The following NAV3 variants were observed in gnomAD, a reference collection of about 807,000 sequenced individuals.
NAV3 encodes the protein neuron navigator 3.
Under a neutral mutation model 244.7 loss-of-function variants are expected in NAV3, and 87 were observed. That is an observed-to-expected ratio of 0.36 (90% confidence interval 0.30 to 0.42). NAV3 has a LOEUF of 0.42. Ranked by LOEUF, NAV3 falls within the 20% of genes least tolerant of loss-of-function variation. The pLI is 1.00. For synonymous variants in NAV3, 1,126 were observed against 1,042.2 expected, an observed-to-expected ratio of 1.08 and a Z score of -1.55; for missense variants, 2,663 against 2,893.3, an observed-to-expected ratio of 0.92 and a Z score of 1.83.
intron 1 of NAV3, among the ~76,000 whole-genome samples, chr12:77,864,831 C>T (rs1569027): frequency 0.12 from 17,791 of 151,654 alleles, 1,246 homozygotes; most frequent in South Asian, 0.18. Flanking sequence ...GAAGTGTTAC[C>T]TGCCTTGTTC....
At chr12:77,892,691 A>G (rs1324774984) in intron 1 of NAV3, among the ~76,000 whole-genome samples, 1 of 152,206 alleles carries the variant, frequency 6.6e-6, no homozygotes, top group Non-Finnish European at 1.5e-5. Context: ...CTGGGATTAC[A>G]GGCGTGAGCC....
intron 2 of NAV3, among the ~76,000 whole-genome samples, chr12:77,577,114 C>T (rs115266707): frequency 6.6e-6 from 1 of 152,070 alleles, no homozygotes; most frequent in Admixed American, 6.6e-5. Context: ...TAGACATAAA[C>T]ATGAACATCA....
chr12:78,147,141 T>G (rs1264379653), intron 21 of NAV3, among the ~76,000 whole-genome samples: 2 of 152,116 alleles, frequency 1.3e-5, no homozygotes, highest in Non-Finnish European at 2.9e-5. Context: ...TATTAGCCTT[T>G]AAAAATAAAA....
At chr12:77,946,228 T>G (rs1340240479) in intron 3 of NAV3, among the ~76,000 whole-genome samples, 1 of 126,350 alleles carries the variant, frequency 7.9e-6, no homozygotes, top group Non-Finnish European at 1.8e-5. Flanking sequence ...TATGTGTAAA[T>G]ATATGTGCGT....
intron 2 of NAV3, among the ~76,000 whole-genome samples, chr12:77,651,770 T>C (rs1179094708): frequency 1.3e-5 from 2 of 152,210 alleles, no homozygotes; most frequent in Non-Finnish European, 2.9e-5. Flanking sequence ...TGTCATTAAA[T>C]TGGTAACTCA....
intron 10 of NAV3, 80 bp from the exon 11 acceptor site, chr12:78,050,684 A>G (rs2137240236): frequency 6.9e-7 from 1 of 1,443,852 alleles, no homozygotes; most frequent in Non-Finnish European, 9.4e-7. Context: ...CCTCAACTCC[A>G]GCCTTTTCTG....
chr12:78,177,472 G>A, intron 27 of NAV3, 148 bp from the exon 28 acceptor site: 1 of 1,109,124 alleles, frequency 9.0e-7, no homozygotes, highest in Non-Finnish European at 1.3e-6. Flanking sequence ...TCTTTCACTG[G>A]TTTCTTTCAT....
intron 3 of NAV3, among the ~76,000 whole-genome samples, chr12:77,959,808 G>A (rs771281557): frequency 2.1e-5 from 3 of 144,340 alleles, no homozygotes; most frequent in African/African-American, 7.8e-5. Context: ...TAACCCCTTG[G>A]CACTTCCATT....
At chr12:78,139,175 T>TG (rs1333241942) in intron 19 of NAV3, among the ~76,000 whole-genome samples, 2 of 152,096 alleles carry the variant, frequency 1.3e-5, no homozygotes, top group Non-Finnish European at 2.9e-5. Flanking sequence ...GTTAGAAAAC[T>TG]GGGGGTTCTT....
chr12:78,075,077 G>T (rs187341751), intron 12 of NAV3, among the ~76,000 whole-genome samples: 115 of 152,234 alleles, frequency 7.6e-4, no homozygotes, highest in African/African-American at 2.5e-3. Context: ...CTGGCAACCT[G>T]GTGTGAGTCT....
chr12:78,210,240 A>G (rs909340188), intron 39 of NAV3, among the ~76,000 whole-genome samples, 158 bp from the exon 40 acceptor site: 2 of 152,202 alleles, frequency 1.3e-5, no homozygotes, highest in African/African-American at 4.8e-5. Flanking sequence ...GAGAAACAGC[A>G]TAGGAGCCAG....
chr12:77,693,558 C>G (rs916281477), intron 2 of NAV3, among the ~76,000 whole-genome samples: 2 of 152,036 alleles, frequency 1.3e-5, no homozygotes, highest in Non-Finnish European at 2.9e-5. Context: ...CTTCTTGTTA[C>G]TTGCAAAGGA....
chr12:77,663,402 GA>G (rs918725680), intron 2 of NAV3, among the ~76,000 whole-genome samples: 5 of 151,098 alleles, frequency 3.3e-5, no homozygotes, highest in African/African-American at 7.3e-5. Context: ...AGGACACAAA[GA>G]AAAAAATATT....
At chr12:77,997,664 T>C (rs538333940) in intron 6 of NAV3, among the ~76,000 whole-genome samples, 43 of 152,352 alleles carry the variant, frequency 2.8e-4, no homozygotes, top group African/African-American at 9.9e-4. Flanking sequence ...GTCTCCTCTG[T>C]GATCAGTTGG....
At chr12:77,726,534 A>G (rs571281965) in intron 2 of NAV3, among the ~76,000 whole-genome samples, 20 of 151,978 alleles carry the variant, frequency 1.3e-4, no homozygotes, top group African/African-American at 3.6e-4. Context: ...TGATGTGGGC[A>G]TGACAGTGGA....
chr12:78,210,257 C>T (rs529923261), intron 39 of NAV3, 141 bp from the exon 40 acceptor site: 57 of 1,302,958 alleles, frequency 4.4e-5, no homozygotes, highest in South Asian at 1.0e-4. Flanking sequence ...CCAGGGGCAA[C>T]GAGTAAAAAT....
intron 2 of NAV3, among the ~76,000 whole-genome samples, chr12:77,762,796 GA>G (rs1869550070): frequency 6.6e-6 from 1 of 151,926 alleles, no homozygotes; most frequent in South Asian, 2.1e-4. Context: ...TCCATTGTGA[GA>G]AAAAGGTAGT....
At chr12:78,124,745 C>T (rs1274999118) in intron 16 of NAV3, among the ~76,000 whole-genome samples, 1 of 152,052 alleles carries the variant, frequency 6.6e-6, no homozygotes, top group Admixed American at 6.6e-5. Flanking sequence ...TGAGCCGTGG[C>T]ACCAGCCTGA....
At position 78,120,965 on chromosome 12, in the gene NAV3, A is replaced by G. The variant is rs546515768; in HGVS notation, c.3750-975A>G. ...TCCGTAGTAATATTAATGCTGCAGA[A>G]CTGTCTTTTTAAAATACTGATTCTC... On this transcript the variant is annotated intron_variant, in intron 15 of 39. Coordinates refer to ENST00000397909, the MANE Select transcript of NAV3 (RefSeq NM_001024383.2). Among the ~76,000 whole-genome samples the G allele has an allele frequency of 1.3e-4, 20 of 152,322 alleles. No individual in the cohort carries two copies. The East Asian group carries it at 3.7e-3, about 28-fold the overall frequency.
Sources: allele counts gnomAD v4.1 joint callset (sites outside exome capture counted in the v4.1 genomes callset), GRCh38; gene constraint gnomAD v4.1.1; transcripts MANE v1.5; gene names NCBI Gene and HGNC (gene_info 2026-07-23, HGNC 2026-07-21).